PHAF1: variants seen among roughly 807,000 people sequenced by gnomAD.
The protein encoded by PHAF1 is phagosome assembly factor 1.
PHAF1 carries 23 observed loss-of-function variants against 63.1 expected under a neutral mutation model. That is an observed-to-expected ratio of 0.36 (90% CI 0.26 to 0.52). PHAF1 has a LOEUF of 0.52. PHAF1 is among the 20% of genes least tolerant of loss of function. The probability of loss-of-function intolerance (pLI) is 0.93; values close to 1 mark genes in which losing one functional copy is unlikely to be tolerated. For missense variants in PHAF1, 427 were observed against 517.2 expected (o/e 0.83, Z 1.69); for synonymous variants, 167 against 185.0 (o/e 0.90, Z 0.79).
intron 3 of PHAF1, among the ~76,000 whole-genome samples, chr16:67,130,452 G>A (rs370887333): frequency 6.7e-6 from 1 of 148,890 alleles, no homozygotes; most frequent in African/African-American, 2.5e-5. Context: ...GGGTTCAAGC[G>A]GTTCTCCTGC....
intron 2 of PHAF1, among the ~76,000 whole-genome samples, chr16:67,125,567 C>T (rs917404760): frequency 6.6e-6 from 1 of 152,202 alleles, no homozygotes; most frequent in African/African-American, 2.4e-5. Context: ...TGGACTAGGC[C>T]TTTTCACATG....
At chr16:67,110,389 A>C in intron 1 of PHAF1, 150 bp downstream of exon 1, 4 of 809,082 alleles carry the variant, frequency 4.9e-6, no homozygotes, top group South Asian at 1.8e-5. Context: ...GGCACTAGAT[A>C]CCCGCTCCAA....
chr16:67,116,192 A>C (rs1244556836), intron 1 of PHAF1, among the ~76,000 whole-genome samples: 1 of 152,160 alleles, frequency 6.6e-6, no homozygotes, highest in Non-Finnish European at 1.5e-5. Context: ...TCATATTCTC[A>C]AACATTTATT....
chr16:67,118,101 C>T (rs541848860), intron 1 of PHAF1, among the ~76,000 whole-genome samples: 11 of 148,618 alleles, frequency 7.4e-5, no homozygotes, highest in South Asian at 6.4e-4. Flanking sequence ...GGACTACAGG[C>T]GCCCGCCACC....
At chr16:67,142,643 A>G (rs1169341868) in intron 10 of PHAF1, among the ~76,000 whole-genome samples, 4 of 152,170 alleles carry the variant, frequency 2.6e-5, no homozygotes, top group Non-Finnish European at 5.9e-5. Context: ...GGGAGAGGCT[A>G]GGTAGTGGGA....
chr16:67,112,909 CTG>C (rs1962576525), intron 1 of PHAF1, among the ~76,000 whole-genome samples: 1 of 152,160 alleles, frequency 6.6e-6, no homozygotes, highest in Admixed American at 6.5e-5. Flanking sequence ...TTTTCCACCT[CTG>C]TCAATCTCCT....
chr16:67,132,389 A>G (rs1597205527), intron 4 of PHAF1, 57 bp from the exon 5 acceptor site: 6 of 1,417,868 alleles, frequency 4.2e-6, no homozygotes, highest in South Asian at 2.6e-5. Flanking sequence ...ACTATCTCAC[A>G]TGATCTGTGG....
chr16:67,133,452 C>T (rs1266853437), intron 6 of PHAF1, among the ~76,000 whole-genome samples: 1 of 144,526 alleles, frequency 6.9e-6, no homozygotes, highest in South Asian at 2.2e-4. Flanking sequence ...GTCAGGAGTT[C>T]GAGACCACGT....
At chr16:67,114,165 G>C (rs1274715901) in intron 1 of PHAF1, among the ~76,000 whole-genome samples, 1 of 152,006 alleles carries the variant, frequency 6.6e-6, no homozygotes, top group African/African-American at 2.4e-5. Context: ...AAGGCTCACT[G>C]TGTTGAAGGC....
At chr16:67,137,940 A>G (rs1963669728) in intron 8 of PHAF1, among the ~76,000 whole-genome samples, 1 of 151,998 alleles carries the variant, frequency 6.6e-6, no homozygotes, top group African/African-American at 2.4e-5. Context: ...TTCTCAACCC[A>G]CTCATTTCTC....
In PHAF1 at chr16:67,131,471, GC is replaced by G. The variant is rs1296741887; in HGVS notation, c.275+144del. 1.3e-5 allele frequency: 8 copies of G among 614,742 alleles called. No individual in the cohort carries two copies. In the African/African-American group the frequency reaches 1.5e-4, roughly 12 times the overall value. The allele number at this position is 614,742 out of a possible 1,614,324, so 38.1% of individuals were successfully genotyped here. Reference sequence around the variant, plus strand: ...CATGAATTCCTGAGGCAACCTTCAAGCCTGCTCAGTTTCCTGGAGAAGAGAA... The same window carrying G: ...CATGAATTCCTGAGGCAACCTTCAAGCTGCTCAGTTTCCTGGAGAAGAGAA... On this transcript the variant is annotated intron_variant, in intron 4 of 15. Coordinates refer to ENST00000219139, the MANE Select transcript of PHAF1 (RefSeq NM_025187.5).
intron 1 of PHAF1, among the ~76,000 whole-genome samples, chr16:67,112,567 A>G (rs1412834575): frequency 6.6e-6 from 1 of 151,490 alleles, no homozygotes; most frequent in Admixed American, 6.6e-5. Context: ...AGTTACTAGG[A>G]TATTAATTGA....
rs751466487 is a variant in PHAF1 at position 67,145,339 on chromosome 16, C to T, written c.1007-37C>T. ...GGGCTGGGGCCACAGGTAGGCTGGGCCAGCTACAAATCTGCCCCACTGTCT... is the reference window on the plus strand; with the variant it reads ...GGGCTGGGGCCACAGGTAGGCTGGGTCAGCTACAAATCTGCCCCACTGTCT... On this transcript the variant is annotated intron_variant, in intron 12 of 15. Transcript: ENST00000219139. The T allele has an allele frequency of 2.5e-6, 4 of 1,612,036 alleles. No homozygotes were observed. In the South Asian group the frequency reaches 4.4e-5, roughly 18 times the overall value.
intron 1 of PHAF1, among the ~76,000 whole-genome samples, chr16:67,119,090 T>C (rs2145829387): frequency 6.6e-6 from 1 of 152,264 alleles, no homozygotes; most frequent in Admixed American, 6.5e-5. Flanking sequence ...TTTTAAACTT[T>C]TAAAATTGTT....
At chr16:67,139,780 T>C (rs999504623) in intron 8 of PHAF1, 12 of 571,532 alleles carry the variant, frequency 2.1e-5, no homozygotes, top group African/African-American at 1.7e-4. Flanking sequence ...ATGTGGGGGA[T>C]TGAATAAGTC....
At chr16:67,144,713 T>C in intron 11 of PHAF1, 121 bp from the exon 12 acceptor site, 1 of 1,170,736 alleles carries the variant, frequency 8.5e-7, no homozygotes, top group Non-Finnish European at 1.3e-6. Context: ...TGTCAGGCAC[T>C]CAGAGCCAGG....
chr16:67,132,622 G>A (rs1274692717), intron 5 of PHAF1, 97 bp downstream of exon 5: 2 of 1,375,588 alleles, frequency 1.5e-6, no homozygotes, highest in Non-Finnish European at 2.1e-6. Context: ...CTGGAGTCAG[G>A]CTCCCATAGG....
intron 2 of PHAF1, among the ~76,000 whole-genome samples, chr16:67,125,373 G>A (rs1232866761): frequency 6.6e-5 from 10 of 152,106 alleles, no homozygotes; most frequent in Non-Finnish European, 1.5e-4. Context: ...AGGCTGGGGG[G>A]AGAGAGAAAA....
chr16:67,130,441 T>G (rs1963350615), intron 3 of PHAF1, among the ~76,000 whole-genome samples: 1 of 144,146 alleles, frequency 6.9e-6, no homozygotes, highest in Admixed American at 7.1e-5. Flanking sequence ...CTCCAACTCC[T>G]GGGTTCAAGC....
Sources: allele counts gnomAD v4.1 joint callset (sites outside exome capture counted in the v4.1 genomes callset), GRCh38; gene constraint gnomAD v4.1.1; transcripts MANE v1.5; gene names NCBI Gene and HGNC (gene_info 2026-07-23, HGNC 2026-07-21).